The following UNC5D variants were observed in gnomAD, a reference collection of about 807,000 sequenced individuals.
UNC5D encodes netrin receptor UNC5D.
A neutral mutation model predicts 105.4 loss-of-function variants in UNC5D; 39 were observed. The ratio of observed to expected loss-of-function variants is 0.37; its 90% CI spans 0.29 to 0.48. UNC5D has a LOEUF of 0.48. Ranked by LOEUF, UNC5D falls within the 20% of genes least tolerant of loss-of-function variation. UNC5D has a pLI of 0.98. For synonymous variants in UNC5D, 452 were observed against 450.4 expected (o/e 1.00, Z -0.04); for missense variants, 991 against 1,202.4 (o/e 0.82, Z 2.60).
chr8:35,586,259 G>A (rs1241632743), intron 3 of UNC5D, among the ~76,000 whole-genome samples: 6 of 152,190 alleles, frequency 3.9e-5, no homozygotes, highest in Non-Finnish European at 8.8e-5. Flanking sequence ...AGGTGACAAA[G>A]TGAGACTCAA....
intron 1 of UNC5D, among the ~76,000 whole-genome samples, chr8:35,517,372 C>T (rs1813169315): frequency 6.6e-6 from 1 of 152,168 alleles, no homozygotes; most frequent in Admixed American, 6.5e-5. Context: ...CAAATCTTAA[C>T]ATGAAGAACA....
intron 3 of UNC5D, among the ~76,000 whole-genome samples, chr8:35,585,342 A>C (rs534678601): frequency 6.6e-6 from 1 of 152,278 alleles, no homozygotes; most frequent in East Asian, 1.9e-4. Context: ...TAAGCAGAGA[A>C]TGCTCAGTGC....
intron 1 of UNC5D, among the ~76,000 whole-genome samples, chr8:35,428,359 T>TC (rs1806388195): frequency 6.7e-6 from 1 of 148,678 alleles, no homozygotes; most frequent in Non-Finnish European, 1.5e-5. Flanking sequence ...TTTTTTTTTT[T>TC]TTTTTTTTTT....
At chr8:35,773,654 G>A (rs1802103452) in intron 15 of UNC5D, among the ~76,000 whole-genome samples, 1 of 152,110 alleles carries the variant, frequency 6.6e-6, no homozygotes, top group Non-Finnish European at 1.5e-5. Context: ...TGATTCTAGA[G>A]CTATGCCTGA....
chr8:35,269,722 G>A (rs531715918), intron 1 of UNC5D, among the ~76,000 whole-genome samples: 272 of 152,270 alleles, frequency 1.8e-3, no homozygotes, highest in Middle Eastern at 3.4e-3. Context: ...TTGGGTATGA[G>A]ATGCTGTCAT....
chr8:35,444,731 C>A (rs778067985), intron 1 of UNC5D, among the ~76,000 whole-genome samples: 52 of 151,948 alleles, frequency 3.4e-4, no homozygotes, highest in Non-Finnish European at 6.5e-4. Context: ...TCTTTGACTC[C>A]TAGGTTTCTA....
intron 1 of UNC5D, among the ~76,000 whole-genome samples, chr8:35,438,602 A>G (rs1008296155): frequency 1.4e-5 from 2 of 147,948 alleles, no homozygotes; most frequent in Non-Finnish European, 3.0e-5. Flanking sequence ...GTGTGTACAC[A>G]TTTTTTTTTT....
intron 2 of UNC5D, among the ~76,000 whole-genome samples, chr8:35,553,951 T>A (rs549195877): frequency 6.6e-6 from 1 of 152,242 alleles, no homozygotes; most frequent in Admixed American, 6.5e-5. Context: ...GAGAAAACTG[T>A]CCCTGGTTTT....
intron 4 of UNC5D, among the ~76,000 whole-genome samples, chr8:35,662,631 C>T (rs1157007429): frequency 6.6e-6 from 1 of 152,212 alleles, no homozygotes; most frequent in Non-Finnish European, 1.5e-5. Flanking sequence ...TTGCACCCCA[C>T]TAACATTTTT....
At chr8:35,607,652 C>T (rs1008594336) in intron 4 of UNC5D, among the ~76,000 whole-genome samples, 11 of 152,022 alleles carry the variant, frequency 7.2e-5, no homozygotes, top group Non-Finnish European at 1.0e-4. Flanking sequence ...TGAGTTCTCA[C>T]GATATTTAAT....
rs946694474 is a variant in UNC5D at position 35,511,795 on chromosome 8, A to G, written c.104-37497A>G. On this transcript the variant is annotated intron_variant, in intron 1 of 16. Transcript: ENST00000404895. ...AAAGTTTATGAATTTGTGTTGGGCT[A>G]CGTTCAAAGCCGTCCTGGGCTGCAT... Among the ~76,000 whole-genome samples, 7 of 152,288 alleles carry G rather than the reference A, an allele frequency of 4.6e-5. No individual in the cohort carries two copies. In the South Asian group the frequency reaches 1.4e-3, roughly 32 times the overall value.
At chr8:35,405,918 T>C (rs1291099163) in intron 1 of UNC5D, among the ~76,000 whole-genome samples, 1 of 152,178 alleles carries the variant, frequency 6.6e-6, no homozygotes, top group African/African-American at 2.4e-5. Flanking sequence ...CATATGTAAC[T>C]CAAAGATTTA....
At chr8:35,255,238 G>A (rs1803993808) in intron 1 of UNC5D, 1 of 152,074 alleles carries the variant, frequency 6.6e-6, no homozygotes, top group African/African-American at 2.4e-5. Context: ...TAAGTATCTT[G>A]TATGTTCTGT....
chr8:35,464,615 C>A (rs1333489743), intron 1 of UNC5D, among the ~76,000 whole-genome samples: 1 of 152,122 alleles, frequency 6.6e-6, no homozygotes, highest in African/African-American at 2.4e-5. Flanking sequence ...TCTCTCTTAG[C>A]CTTTTTCCTC....
chr8:35,716,786 T>C (rs1289648801), intron 8 of UNC5D, among the ~76,000 whole-genome samples: 1 of 152,234 alleles, frequency 6.6e-6, no homozygotes, highest in Non-Finnish European at 1.5e-5. Flanking sequence ...TTGCTTAGCA[T>C]GGTTGGCCAT....
At chr8:35,769,150 G>A (rs1367971122) in intron 15 of UNC5D, among the ~76,000 whole-genome samples, 9 of 152,132 alleles carry the variant, frequency 5.9e-5, no homozygotes, top group Non-Finnish European at 1.3e-4. Flanking sequence ...AACTCTGTGG[G>A]TTAAGTATTA....
intron 1 of UNC5D, among the ~76,000 whole-genome samples, chr8:35,356,414 T>A (rs1801556237): frequency 6.6e-6 from 1 of 152,158 alleles, no homozygotes; most frequent in South Asian, 2.1e-4. Flanking sequence ...TGAACCCTGT[T>A]GTCACCAGTT....
chr8:35,766,910 G>A lies in UNC5D; in HGVS notation c.2322G>A (p.Pro774=), dbSNP rs772701180. Residue 774 remains proline (P), a synonymous_variant, in exon 15 of 17, where the codon CCG becomes CCA. Coordinates refer to ENST00000404895, the MANE Select transcript of UNC5D (RefSeq NM_080872.4). ...CTCCGTCTCCCCTGCAGGAAGTCCC[G>A]TTCTCCCGCGTGTGGTGCAGTAACC... ...IKPFTACQEV[P]FSRVWCSNRQ... is the part of the protein sequence containing the mutation. The A allele has an allele frequency of 2.2e-5, 35 of 1,611,776 alleles. No individual in the cohort carries two copies. Among genetic ancestry groups the A allele is most frequent in the Middle Eastern group, 1.6e-4 (1 of 6,068 alleles).
At chr8:35,439,111 C>T (rs1022633018) in intron 1 of UNC5D, among the ~76,000 whole-genome samples, 7 of 151,704 alleles carry the variant, frequency 4.6e-5, no homozygotes, top group East Asian at 3.9e-4. Context: ...TCTTGAAATG[C>T]GGATAATAAT....
Sources: allele counts gnomAD v4.1 joint callset (sites outside exome capture counted in the v4.1 genomes callset), GRCh38; gene constraint gnomAD v4.1.1; transcripts MANE v1.5; gene names NCBI Gene and HGNC (gene_info 2026-07-23, HGNC 2026-07-21).